KDM3A: variants seen among roughly 807,000 people sequenced by gnomAD.
The protein encoded by KDM3A is lysine demethylase 3A.
Under a neutral mutation model 158.0 loss-of-function variants are expected in KDM3A, and 60 were observed. The ratio of observed to expected loss-of-function variants is 0.38; its 90% CI spans 0.31 to 0.47. KDM3A has a LOEUF of 0.47. KDM3A is among the 20% of genes least tolerant of loss of function. The probability of loss-of-function intolerance (pLI) is 0.99; values close to 1 mark genes in which losing one functional copy is unlikely to be tolerated. For synonymous variants in KDM3A, 608 were observed against 549.3 expected, an observed-to-expected ratio of 1.11 and a Z score of -1.49; for missense variants, 1,319 against 1,574.3, an observed-to-expected ratio of 0.84 and a Z score of 2.74.
upstream of KDM3A, among the ~76,000 whole-genome samples, chr2:86,437,273 G>A (rs142025936): frequency 2.7e-3 from 409 of 151,944 alleles, 8 homozygotes; most frequent in East Asian, 0.028. Flanking sequence ...TCAGCCTCCC[G>A]AGTAGCTGGG....
Position 86,492,048 on chromosome 2 carries a change from G to A in KDM3A, c.3895G>A (p.Val1299Ile). ...CTCCTACTATTTTTAGGTGAAGAAT[G>A]TTATCTACCATGCAGTGAAAGATGC... Reference protein sequence around the residue: ...NHEDKLQVKNVIYHAVKDAVA... With the variant: ...NHEDKLQVKNIIYHAVKDAVA... Residue 1299 changes from valine (V) to isoleucine (I), a missense_variant, in exon 26 of 26, where the codon GTT (valine) becomes ATT (isoleucine). Coordinates refer to ENST00000312912, the MANE Select transcript of KDM3A (RefSeq NM_018433.6). 1 of 1,611,796 alleles carries A rather than the reference G, an allele frequency of 6.2e-7. No homozygotes were observed. Among genetic ancestry groups the A allele is most frequent in the Non-Finnish European group, 8.5e-7 (1 of 1,178,402 alleles).
Position 86,456,515 on chromosome 2 carries a change from C to T in KDM3A, c.630C>T (p.Thr210=), listed in dbSNP as rs757383252. The change falls in exon 6 of 26, where the codon ACC becomes ACT. Residue 210 remains threonine (T), a synonymous_variant. Transcript: ENST00000312912. ...LDPSTQWFSA[T]VINGNPASKT... ...CATCTACTCAGTGGTTTTCAGCAAC[C>T]GTTATAAATGGAAACCCAGCATCAA... 9 of 1,606,856 alleles carry T rather than the reference C, an allele frequency of 5.6e-6. No homozygotes were observed. Among genetic ancestry groups the T allele is most frequent in the East Asian group, 4.5e-5 (2 of 44,606 alleles).
At chr2:86,468,189 TAGAA>T (rs1189451071) in intron 10 of KDM3A, among the ~76,000 whole-genome samples, 1 of 152,244 alleles carries the variant, frequency 6.6e-6, no homozygotes, top group African/African-American at 2.4e-5. Flanking sequence ...ATTGGAAGAA[TAGAA>T]AGAACTTTCT....
At chr2:86,445,017 A>T (rs1222493946) in intron 2 of KDM3A, among the ~76,000 whole-genome samples, 1 of 152,242 alleles carries the variant, frequency 6.6e-6, no homozygotes, top group Non-Finnish European at 1.5e-5. Flanking sequence ...TAATCCTCAC[A>T]AATATCCTAG....
At chr2:86,490,654 C>A (rs1484701289) in intron 23 of KDM3A, 1 of 449,458 alleles carries the variant, frequency 2.2e-6, no homozygotes, top group African/African-American at 2.0e-5. Context: ...TTATGCAGAG[C>A]CTGTCAGTCA....
chr2:86,475,062 C>T, intron 12 of KDM3A, 72 bp downstream of exon 12: 1 of 1,211,764 alleles, frequency 8.3e-7, no homozygotes, highest in Non-Finnish European at 1.2e-6. Context: ...CACCTAAGTC[C>T]TAATTGCTTG....
rs188312982 is a variant in KDM3A, at chr2:86,451,386, C to T, written c.453+173C>T. Among the ~76,000 whole-genome samples, 37 of 152,280 alleles carry T rather than the reference C, an allele frequency of 2.4e-4. No homozygotes were observed. In the East Asian group the frequency reaches 5.8e-3, roughly 24 times the overall value. ...CCCTCCAAACTCTACTAATAGCTTA[C>T]TGTTGACCATAAGCCTTATTGATAA... is the stretch of plus-strand genomic sequence containing the variant. On this transcript the variant is annotated intron_variant, in intron 4 of 25. Coordinates refer to ENST00000312912, the MANE Select transcript of KDM3A (RefSeq NM_018433.6).
intron 21 of KDM3A, among the ~76,000 whole-genome samples, chr2:86,486,235 T>C (rs752818300): frequency 2.0e-5 from 3 of 152,264 alleles, no homozygotes; most frequent in Admixed American, 6.5e-5. Flanking sequence ...GCATTCTAGC[T>C]GTCTTAACAT....
At chr2:86,445,274 G>T (rs1056915337) in intron 2 of KDM3A, among the ~76,000 whole-genome samples, 10 of 152,080 alleles carry the variant, frequency 6.6e-5, no homozygotes, top group African/African-American at 2.2e-4. Flanking sequence ...AAACAGTTTA[G>T]AAAGAATCTA....
intron 2 of KDM3A, among the ~76,000 whole-genome samples, chr2:86,444,915 TAAC>T (rs1243037939): frequency 4.6e-5 from 7 of 152,160 alleles, no homozygotes; most frequent in Non-Finnish European, 7.3e-5. Context: ...GAAGACATAA[TAAC>T]AGTGGATAAC....
chr2:86,477,558 G>C (rs1370573577), intron 12 of KDM3A, among the ~76,000 whole-genome samples: 1 of 152,136 alleles, frequency 6.6e-6, no homozygotes, highest in Non-Finnish European at 1.5e-5. Context: ...CTGTGTCTGA[G>C]CTCCAACTTG....
chr2:86,486,202 C>T (rs1183708288), intron 21 of KDM3A, among the ~76,000 whole-genome samples: 1 of 152,078 alleles, frequency 6.6e-6, no homozygotes, highest in Non-Finnish European at 1.5e-5. Context: ...TTTCAGTGTT[C>T]GGACATTTAG....
At chr2:86,467,544 G>A (rs750100718) in intron 10 of KDM3A, among the ~76,000 whole-genome samples, 10 of 152,158 alleles carry the variant, frequency 6.6e-5, no homozygotes, top group Admixed American at 2.0e-4. Context: ...AAATTGGTAC[G>A]TTGTACTTGA....
intron 5 of KDM3A, 22 bp downstream of exon 5, chr2:86,455,209 G>A: frequency 5.5e-6 from 7 of 1,275,640 alleles, no homozygotes; most frequent in Non-Finnish European, 7.8e-6. Flanking sequence ...ATCTAGTGGT[G>A]ATAGTTCACG....
intron 4 of KDM3A, among the ~76,000 whole-genome samples, chr2:86,452,263 T>C (rs1253089391): frequency 6.6e-6 from 1 of 151,738 alleles, no homozygotes; most frequent in East Asian, 1.9e-4. Flanking sequence ...AGTGCCATGA[T>C]GTGTCTTAAG....
intron 11 of KDM3A, among the ~76,000 whole-genome samples, chr2:86,472,339 C>A (rs1208376041): frequency 6.6e-6 from 1 of 152,004 alleles, no homozygotes; most frequent in Non-Finnish European, 1.5e-5. Flanking sequence ...AAAAGAATAT[C>A]ATAATTTAAC....
intron 4 of KDM3A, among the ~76,000 whole-genome samples, chr2:86,453,798 C>G (rs1161339898): frequency 2.6e-5 from 4 of 152,170 alleles, no homozygotes; most frequent in African/African-American, 9.7e-5. Flanking sequence ...CACAGCTTCT[C>G]TAACAGACTA....
Position 86,491,291 on chromosome 2 carries a change from A to C in KDM3A, c.3885+16A>C. The C allele has an allele frequency of 6.2e-7, 1 of 1,612,152 alleles. No homozygotes were observed. Among genetic ancestry groups the C allele is most frequent in the Non-Finnish European group, 8.5e-7 (1 of 1,178,376 alleles). ...TAAATTACAGGTAAAAATAGCACCAATTCCTAGCATTCTTTGGCTATGGCT... is the reference window on the plus strand; with the variant it reads ...TAAATTACAGGTAAAAATAGCACCACTTCCTAGCATTCTTTGGCTATGGCT... On this transcript the variant is annotated intron_variant, in intron 25 of 25. Transcript: ENST00000312912.
At chr2:86,480,650 G>C (rs1319743217) in intron 16 of KDM3A, among the ~76,000 whole-genome samples, 4 of 152,176 alleles carry the variant, frequency 2.6e-5, no homozygotes, top group Non-Finnish European at 5.9e-5. Context: ...AATCAAATTT[G>C]ACACTGTAAA....
Sources: gnomAD v4.1 joint callset for allele counts (sites outside exome capture counted in the v4.1 genomes callset) on GRCh38, gnomAD v4.1.1 for gene constraint, MANE v1.5 for transcripts, NCBI Gene and HGNC (gene_info 2026-07-23, HGNC 2026-07-21) for gene names.